WIPI2: variants seen among roughly 807,000 people sequenced by gnomAD.
WIPI2 encodes the protein WD repeat domain phosphoinositide-interacting protein 2.
A neutral mutation model predicts 52.3 loss-of-function variants in WIPI2; 28 were observed. The observed-to-expected ratio is 0.54, with a 90% confidence interval of 0.40 to 0.73. The LOEUF is 0.73. WIPI2 is among the 30% of genes least tolerant of loss of function. The pLI, the probability that WIPI2 is intolerant of heterozygous loss-of-function variation, is 0.00. For synonymous variants in WIPI2, 268 were observed against 245.0 expected, an observed-to-expected ratio of 1.09 and a Z score of -0.88; for missense variants, 506 against 602.9, an observed-to-expected ratio of 0.84 and a Z score of 1.68.
rs953583958 is a variant in WIPI2 at position 5,233,292 on chromosome 7, C to T, written c.*2345C>T. On this transcript the variant is annotated 3_prime_UTR_variant, in exon 13 of 13. Transcript: ENST00000288828. ...CTCGAACCTATGAGTCCCAGCCTCACTGGCGGCCTCAGACATGCTCAGGAG... is the reference window on the plus strand; with the variant it reads ...CTCGAACCTATGAGTCCCAGCCTCATTGGCGGCCTCAGACATGCTCAGGAG... 1 of 152,252 alleles carries T rather than the reference C, an allele frequency of 6.6e-6. No individual in the cohort carries two copies. Among genetic ancestry groups the T allele is most frequent in the Non-Finnish European group, 1.5e-5 (1 of 68,070 alleles). The allele number at this position is 152,252 out of a possible 1,614,324, so 9.4% of individuals were successfully genotyped here. A position where few individuals can be genotyped will look rare whatever the true frequency, so the allele number is the denominator to read the frequency against.
At position 5,230,455 on chromosome 7, in the gene WIPI2, C is replaced by T. The variant is rs1042538691; in HGVS notation, c.1253-380C>T. Among the ~76,000 whole-genome samples the T allele has an allele frequency of 2.0e-5, 3 of 152,212 alleles. No homozygotes were observed. Among genetic ancestry groups the T allele is most frequent in the Admixed American group, 6.5e-5 (1 of 15,282 alleles). On this transcript the variant is annotated intron_variant, in intron 12 of 12. Coordinates refer to ENST00000288828, the MANE Select transcript of WIPI2 (RefSeq NM_015610.4). The surrounding 1 kb of genome is among the most constrained non-coding windows in gnomAD (Gnocchi z 4.8). ...ACCCACGCAGGGCTGTGCCTGCTCG[C>T]TGCCACTCCCATCTGTGAACCGGCA...
rs113522521 is a variant in WIPI2 at position 5,200,412 on chromosome 7, T to G, written c.211+754T>G. Reference sequence around the variant, plus strand: ...GAAATAATACAGGTCCCTTGCATCCTTTACCCTGTTCTTCCCAGTGTAACA... The same window carrying G: ...GAAATAATACAGGTCCCTTGCATCCGTTACCCTGTTCTTCCCAGTGTAACA... On this transcript the variant is annotated intron_variant, in intron 3 of 12. Transcript: ENST00000288828. 3.8e-3 allele frequency among the ~76,000 whole-genome samples: 574 copies of G among 152,288 alleles called. 6 individuals carry two copies. The highest frequency in any genetic ancestry group is 0.013 in the African/African-American group (534 of 41,556).
rs1783655662 is a variant in WIPI2 at position 5,230,068 on chromosome 7, A to G, written c.1252+330A>G. 6.6e-6 allele frequency among the ~76,000 whole-genome samples: 1 copy of G among 151,692 alleles called. No individual in the cohort carries two copies. The highest frequency in any genetic ancestry group is 6.6e-5 in the Admixed American group (1 of 15,226). ...GATTATAGGCATGAGCCACCGTACC[A>G]GGCTCATTTTCTCCGTTTTTAAAGA... On this transcript the variant is annotated intron_variant, in intron 12 of 12. Coordinates refer to ENST00000288828, the MANE Select transcript of WIPI2 (RefSeq NM_015610.4). This position sits in a 1 kb window ranked among gnomAD's most constrained non-coding sequence, Gnocchi z 4.8.
chr7:5,204,931 C>T (rs1782218093), intron 3 of WIPI2, among the ~76,000 whole-genome samples: 1 of 152,182 alleles, frequency 6.6e-6, no homozygotes, highest in Non-Finnish European at 1.5e-5. Context: ...CTGCCTCAGC[C>T]TCCTAAAGTG....
chr7:5,201,611 T>C (rs1304988416), intron 3 of WIPI2, among the ~76,000 whole-genome samples: 1 of 152,204 alleles, frequency 6.6e-6, no homozygotes, highest in Non-Finnish European at 1.5e-5. Flanking sequence ...CCAGGCATGG[T>C]GGCGCACACC....
chr7:5,215,437 C>T (rs1229477650), intron 4 of WIPI2, among the ~76,000 whole-genome samples: 2 of 152,230 alleles, frequency 1.3e-5, no homozygotes, highest in East Asian at 1.9e-4. Flanking sequence ...AGAGGAAGGA[C>T]GTGGTGGGTG....
At chr7:5,214,467 C>G in intron 3 of WIPI2, 68 bp from the exon 4 acceptor site, 1 of 1,613,730 alleles carries the variant, frequency 6.2e-7, no homozygotes, top group Non-Finnish European at 8.5e-7. Flanking sequence ...TGTTTTTGAG[C>G]GCAGATTCTG....
intron 3 of WIPI2, among the ~76,000 whole-genome samples, chr7:5,202,917 G>A (rs1269359215): frequency 6.6e-6 from 1 of 152,194 alleles, no homozygotes; most frequent in Admixed American, 6.5e-5. Flanking sequence ...AAGTTTAGAA[G>A]TTGGCTTTTT....
Position 5,232,378 on chromosome 7 carries a change from A to G in WIPI2, c.*1431A>G, listed in dbSNP as rs972454110. 2 of 398,560 alleles carry G rather than the reference A, an allele frequency of 5.0e-6. 1 individual carries two copies. Among genetic ancestry groups the G allele is most frequent in the South Asian group, 2.6e-4 (2 of 7,764 alleles). 24.7% of individuals were successfully genotyped at this position (398,560 alleles called of 1,614,324 possible). A position where few individuals can be genotyped will look rare whatever the true frequency, so the allele number is the denominator to read the frequency against. On this transcript the variant is annotated 3_prime_UTR_variant, in exon 13 of 13. Transcript: ENST00000288828. ...GTGTTCCTGGGTTGGCTTTACGGCA[A>G]ACTAAATGCAGGGGACGCTGGAGTC... is the stretch of plus-strand genomic sequence containing the variant.
At chr7:5,233,842 A>G (rs943096024), downstream of WIPI2, 5 of 152,174 alleles carry the variant, frequency 3.3e-5, no homozygotes, top group African/African-American at 1.2e-4. Flanking sequence ...GCAATTAAAC[A>G]CGATTTTTAT....
intron 3 of WIPI2, among the ~76,000 whole-genome samples, chr7:5,205,979 G>A: frequency 6.6e-6 from 1 of 151,798 alleles, no homozygotes; most frequent in East Asian, 1.9e-4. Context: ...CCATTTGTTA[G>A]GGGTTGCAAA....
intron 3 of WIPI2, among the ~76,000 whole-genome samples, chr7:5,204,118 T>G (rs1295902468): frequency 6.6e-6 from 1 of 152,182 alleles, no homozygotes; most frequent in Non-Finnish European, 1.5e-5. Flanking sequence ...GTACTTCAGT[T>G]TACTGGAAAG....
chr7:5,214,016 C>T (rs1433141307), intron 3 of WIPI2, among the ~76,000 whole-genome samples: 1 of 152,166 alleles, frequency 6.6e-6, no homozygotes, highest in Non-Finnish European at 1.5e-5. Context: ...CGTATGTCAG[C>T]GTTTTGTGAC....
intron 2 of WIPI2, among the ~76,000 whole-genome samples, chr7:5,194,243 G>T (rs535399248): frequency 1.3e-5 from 2 of 152,308 alleles, no homozygotes; most frequent in African/African-American, 2.4e-5. Context: ...GCTGTCCATA[G>T]CCCTGAAAGA....
intron 7 of WIPI2, chr7:5,218,904 C>A (rs1416582721): frequency 1.3e-5 from 2 of 152,202 alleles, no homozygotes; most frequent in African/African-American, 4.8e-5. Context: ...CCACCGATGA[C>A]CTTTACTTTG....
chr7:5,233,569 A>C lies in WIPI2; in HGVS notation c.*2622A>C, dbSNP rs1468081420. On this transcript the variant is annotated 3_prime_UTR_variant, in exon 13 of 13. Transcript: ENST00000288828. ...TGGACTCTGGGACCAAACCTTCTGT[A>C]ATCTCTAAAACAATGGGACCAAGAG... 1 of 152,656 alleles carries C rather than the reference A, an allele frequency of 6.6e-6. No homozygotes were observed. Among genetic ancestry groups the C allele is most frequent in the East Asian group, 1.9e-4 (1 of 5,200 alleles). The allele number at this position is 152,656 out of a possible 1,614,324, so 9.5% of individuals were successfully genotyped here. A position where few individuals can be genotyped will look rare whatever the true frequency, so the allele number is the denominator to read the frequency against.
intron 1 of WIPI2, 57 bp downstream of exon 1, chr7:5,190,550 G>C (rs974119806): frequency 1.1e-4 from 147 of 1,380,000 alleles, no homozygotes; most frequent in African/African-American, 7.3e-4. Context: ...ACCCGGGCTA[G>C]GGGGAGGGCC....
At chr7:5,221,873 G>A (rs1209755902) in intron 7 of WIPI2, among the ~76,000 whole-genome samples, 1 of 152,120 alleles carries the variant, frequency 6.6e-6, no homozygotes, top group African/African-American at 2.4e-5. Flanking sequence ...TAAAGTGGCA[G>A]GAAAGACCTT....
intron 3 of WIPI2, 87 bp downstream of exon 3, chr7:5,199,745 G>T: frequency 7.5e-7 from 1 of 1,326,826 alleles, no homozygotes; most frequent in Non-Finnish European, 1.0e-6. Flanking sequence ...TTCAGACGCT[G>T]TGGTTGAAGT....
Sources: allele counts gnomAD v4.1 joint callset (sites outside exome capture counted in the v4.1 genomes callset), GRCh38; gene constraint gnomAD v4.1.1; non-coding constraint Gnocchi (gnomAD v3.1); transcripts MANE v1.5; gene names NCBI Gene and HGNC (gene_info 2026-07-23, HGNC 2026-07-21).